AKAP10: variants seen among roughly 807,000 people sequenced by gnomAD.
AKAP10 encodes the protein A-kinase anchor protein 10, mitochondrial.
AKAP10 carries 24 observed loss-of-function variants against 80.8 expected under a neutral mutation model. The ratio of observed to expected loss-of-function variants is 0.30; its 90% CI spans 0.22 to 0.42. The LOEUF is 0.42. AKAP10 is among the 10% of genes least tolerant of loss of function. AKAP10 has a pLI of 1.00. For synonymous variants in AKAP10, 291 were observed against 277.7 expected, an observed-to-expected ratio of 1.05 and a Z score of -0.48; for missense variants, 661 against 794.9, an observed-to-expected ratio of 0.83 and a Z score of 2.03.
chr17:19,955,886 G>A (rs970566909), intron 4 of AKAP10, among the ~76,000 whole-genome samples: 1 of 151,820 alleles, frequency 6.6e-6, no homozygotes, highest in Non-Finnish European at 1.5e-5. Context: ...TCCAGAAACA[G>A]GTTAGAAACT....
At chr17:19,932,477 AT>A (rs1172280590) in intron 9 of AKAP10, among the ~76,000 whole-genome samples, 2 of 151,364 alleles carry the variant, frequency 1.3e-5, no homozygotes, top group African/African-American at 4.8e-5. Context: ...AAAAATTACA[AT>A]GCATGTAATT....
intron 4 of AKAP10, among the ~76,000 whole-genome samples, chr17:19,951,808 G>A (rs968435460): frequency 8.6e-5 from 13 of 151,022 alleles, no homozygotes; most frequent in Admixed American, 7.3e-4. Flanking sequence ...TTGTTCACAT[G>A]TTTATCTGCT....
rs775065387 is a variant in AKAP10 at position 19,940,903 on chromosome 17, A to G, written c.1169T>C (p.Leu390Pro). ...AGACTTTACCTCAGAGAAATAAAAGAGGGCTGACTCACAGAAGAGAATGTC... is the reference window on the plus strand; with the variant it reads ...AGACTTTACCTCAGAGAAATAAAAGGGGGCTGACTCACAGAAGAGAATGTC... ...LADILFCESA[L>P]FYFSEYMEKE... The change falls in exon 7 of 15, where the codon CTC (leucine) becomes CCC (proline). Residue 390 changes from leucine to proline, a missense_variant. Physicochemically the swap from Leu to Pro is moderately conservative, Grantham distance 98 (BLOSUM62 -3). Coordinates refer to ENST00000225737, the MANE Select transcript of AKAP10 (RefSeq NM_007202.4). The G allele has an allele frequency of 1.9e-6, 3 of 1,602,574 alleles. No homozygotes were observed. The highest frequency in any genetic ancestry group is 2.5e-6 in the Non-Finnish European group (3 of 1,176,962).
chr17:19,956,765 G>T (rs1449959269), intron 4 of AKAP10, among the ~76,000 whole-genome samples: 1 of 152,104 alleles, frequency 6.6e-6, no homozygotes, highest in Admixed American at 6.6e-5. Flanking sequence ...AGCACTTTGG[G>T]AGGCCGAGGC....
intron 2 of AKAP10, among the ~76,000 whole-genome samples, chr17:19,963,586 G>T (rs979532097): frequency 2.6e-5 from 4 of 151,880 alleles, no homozygotes; most frequent in African/African-American, 9.7e-5. Context: ...TGCTTGGGGT[G>T]GGGGGAACCT....
chr17:19,934,478 G>C (rs2042971516), intron 9 of AKAP10, among the ~76,000 whole-genome samples: 1 of 152,124 alleles, frequency 6.6e-6, no homozygotes, highest in South Asian at 2.1e-4. Context: ...CTCCTGAGTA[G>C]CTGGAACTAT....
At chr17:19,937,508 T>C (rs546578601) in intron 8 of AKAP10, among the ~76,000 whole-genome samples, 1 of 151,494 alleles carries the variant, frequency 6.6e-6, no homozygotes, top group Non-Finnish European at 1.5e-5. Context: ...TCTCAAAAAA[T>C]AAAAAAGAAG....
At chr17:19,936,986 G>A (rs1161827877) in intron 8 of AKAP10, among the ~76,000 whole-genome samples, 1 of 152,092 alleles carries the variant, frequency 6.6e-6, no homozygotes, top group East Asian at 1.9e-4. Flanking sequence ...ATGACTCGGT[G>A]TGGAAAGGGA....
chr17:19,946,417 C>T (rs2043132882), intron 5 of AKAP10, among the ~76,000 whole-genome samples: 2 of 144,064 alleles, frequency 1.4e-5, no homozygotes, highest in Non-Finnish European at 3.0e-5. Context: ...TCTGCCATAT[C>T]TGAGCTGTTA....
rs1342297436 is a variant in AKAP10, at chr17:19,958,026, T to C, written c.865A>G (p.Lys289Glu). The C allele has an allele frequency of 6.2e-7, 1 of 1,609,736 alleles. No homozygotes were observed. Among genetic ancestry groups the C allele is most frequent in the East Asian group, 2.2e-5 (1 of 44,836 alleles). The change falls in exon 4 of 15, where the codon AAA becomes GAA. Residue 289 changes from lysine to glutamate, a missense_variant. Transcript: ENST00000225737. Reference protein sequence around the residue: ...PASPLKELSGKLMKSIEQDAV... With the variant: ...PASPLKELSGELMKSIEQDAV... ...ATCACATACTCACTTTTCATTAGTT[T>C]TCCTGACAATTCTTTTAGTGGAGAA...
At chr17:19,973,371 T>C (rs761814584) in intron 1 of AKAP10, among the ~76,000 whole-genome samples, 9 of 152,184 alleles carry the variant, frequency 5.9e-5, no homozygotes, top group African/African-American at 1.2e-4. Flanking sequence ...ACAGAAACCA[T>C]ATGGTCTGGA....
intron 4 of AKAP10, among the ~76,000 whole-genome samples, chr17:19,951,765 C>T (rs367937559): frequency 3.9e-5 from 6 of 152,042 alleles, no homozygotes; most frequent in East Asian, 3.9e-4. Flanking sequence ...TGCAGAAGGC[C>T]GCAGGGTCCT....
At chr17:19,918,224 CAAAAAAAA>C (rs559332326) in intron 12 of AKAP10, among the ~76,000 whole-genome samples, 1 of 86,052 alleles carries the variant, frequency 1.2e-5, no homozygotes, top group Non-Finnish European at 2.5e-5. Flanking sequence ...CCGTCTCAAA[CAAAAAAAA>C]AAAAAAAAAA....
At position 19,905,372 on chromosome 17, in the gene AKAP10, G is replaced by A. The variant is rs1276089283; in HGVS notation, c.*855C>T. On this transcript the variant is annotated 3_prime_UTR_variant, in exon 15 of 15. Transcript: ENST00000225737. ...TAAAAAAAAAAAAAGTATAATTTGG[G>A]AAGAACTGCTTTGTTCAAGGTGCCA... 2 of 152,044 alleles carry A rather than the reference G, an allele frequency of 1.3e-5. No homozygotes were observed. The highest frequency in any genetic ancestry group is 2.9e-5 in the Non-Finnish European group (2 of 68,020). 9.4% of individuals were successfully genotyped at this position (152,044 alleles called of 1,614,324 possible).
intron 3 of AKAP10, among the ~76,000 whole-genome samples, chr17:19,960,958 G>A (rs1026617443): frequency 4.6e-5 from 7 of 151,744 alleles, no homozygotes; most frequent in East Asian, 1.9e-4. Flanking sequence ...CCTGGGAGGC[G>A]GAGGTTGCAG....
At chr17:19,933,172 C>A (rs1017331004) in intron 9 of AKAP10, among the ~76,000 whole-genome samples, 1 of 152,096 alleles carries the variant, frequency 6.6e-6, no homozygotes, top group Non-Finnish European at 1.5e-5. Context: ...GTGTCCGCCA[C>A]CACACCCAGT....
intron 5 of AKAP10, among the ~76,000 whole-genome samples, chr17:19,943,242 T>G (rs1022520482): frequency 1.3e-5 from 2 of 152,174 alleles, no homozygotes; most frequent in African/African-American, 4.8e-5. Context: ...CTCTGGATTC[T>G]TTTGAAGGCT....
At chr17:19,926,167 T>A (rs1250302164) in intron 10 of AKAP10, among the ~76,000 whole-genome samples, 1 of 151,930 alleles carries the variant, frequency 6.6e-6, no homozygotes, top group Non-Finnish European at 1.5e-5. Flanking sequence ...TGGTTTAACA[T>A]CTGAAAATCA....
rs2042993143 is a variant in AKAP10, at chr17:19,936,415, T to C, written c.1338A>G (p.Gln446=). 6.2e-7 allele frequency: 1 copy of C among 1,611,400 alleles called. No homozygotes were observed. Among genetic ancestry groups the C allele is most frequent in the African/African-American group, 1.3e-5 (1 of 74,988 alleles). ...MILYDKYFSL[Q]ATHPLGFDDV... is the part of the protein sequence containing the mutation. The stretch of plus-strand genomic sequence containing the variant: ...CATCAAATCCAAGAGGATGTGTGGC[T>C]TGGAGGGAGAAGTACCTATGGTAAA... Residue 446 remains glutamine (Q), a synonymous_variant, in exon 9 of 15, where the codon CAA becomes CAG. Transcript: ENST00000225737.
Sources: gnomAD v4.1 joint callset for allele counts (sites outside exome capture counted in the v4.1 genomes callset) on GRCh38, gnomAD v4.1.1 for gene constraint, MANE v1.5 for transcripts, NCBI Gene and HGNC (gene_info 2026-07-23, HGNC 2026-07-21) for gene names.